ETV6: variants seen among roughly 807,000 people sequenced by gnomAD.
ETV6 encodes the protein transcription factor ETV6.
A neutral mutation model predicts 51.1 loss-of-function variants in ETV6; 16 were observed. The ratio of observed to expected loss-of-function variants is 0.31; its 90% CI spans 0.21 to 0.48. The LOEUF (loss-of-function observed/expected upper bound fraction) is 0.48, where lower values mean the gene tolerates loss of function less well. Ranked by LOEUF, ETV6 falls within the 20% of genes least tolerant of loss-of-function variation. The probability of loss-of-function intolerance (pLI) is 0.99; values close to 1 mark genes in which losing one functional copy is unlikely to be tolerated. For missense variants in ETV6, 458 were observed against 594.8 expected, an observed-to-expected ratio of 0.77 and a Z score of 2.39; for synonymous variants, 240 against 224.1, an observed-to-expected ratio of 1.07 and a Z score of -0.64.
At chr12:11,707,908 C>G (rs1050927053) in intron 1 of ETV6, among the ~76,000 whole-genome samples, 2 of 152,228 alleles carry the variant, frequency 1.3e-5, no homozygotes, top group African/African-American at 2.4e-5. Flanking sequence ...TTAATCTCAA[C>G]TTTGTCTCCT....
chr12:11,853,725 C>T (rs542289316), intron 4 of ETV6, among the ~76,000 whole-genome samples, 164 bp downstream of exon 4: 1 of 152,352 alleles, frequency 6.6e-6, no homozygotes, highest in South Asian at 2.1e-4. Context: ...TTCCCTGAAG[C>T]TCACGATCAA....
rs1946852736 is a variant in ETV6 at position 11,869,824 on chromosome 12, ACAGTC to A, written c.868_872del (p.Ser290AlafsTer8). On this transcript the variant is annotated frameshift_variant, in exon 5 of 8. Transcript: ENST00000396373. LOFTEE classifies it high-confidence loss of function. This position sits in a 1 kb window ranked among gnomAD's most constrained non-coding sequence, Gnocchi z 5.0. ...ACCCCCGGCACTCCGTGGATTTCAA[ACAGTC>A]CAGGCTCTCCGAGGACGGGCTGCAT... 1 of 1,613,296 alleles carries A rather than the reference ACAGTC, an allele frequency of 6.2e-7. No homozygotes were observed. Among genetic ancestry groups the A allele is most frequent in the Admixed American group, 1.7e-5 (1 of 60,006 alleles).
chr12:11,749,349 A>ACACACACACACC (rs1555123226), intron 1 of ETV6, among the ~76,000 whole-genome samples: 1 of 123,670 alleles, frequency 8.1e-6, no homozygotes, highest in Non-Finnish European at 1.7e-5. Context: ...ACACACACAC[A>ACACACACACACC]CCCCTACTCC....
intron 1 of ETV6, among the ~76,000 whole-genome samples, chr12:11,685,235 C>T (rs985816690): frequency 2.6e-5 from 4 of 151,304 alleles, no homozygotes; most frequent in African/African-American, 9.7e-5. Context: ...GTAAATAGGA[C>T]CATCCGGAGT....
intron 1 of ETV6, among the ~76,000 whole-genome samples, chr12:11,700,499 A>G (rs1000569489): frequency 4.6e-5 from 7 of 152,188 alleles, no homozygotes; most frequent in Non-Finnish European, 1.0e-4. Flanking sequence ...TGAGTTATGT[A>G]TATAACTTCT....
chr12:11,829,793 T>G (rs1946215333), intron 2 of ETV6, among the ~76,000 whole-genome samples: 1 of 152,188 alleles, frequency 6.6e-6, no homozygotes, highest in Admixed American at 6.5e-5. Context: ...GAGTATAACC[T>G]TCCGACCTCC....
At chr12:11,783,663 G>A (rs1480096610) in intron 2 of ETV6, among the ~76,000 whole-genome samples, 1 of 152,098 alleles carries the variant, frequency 6.6e-6, no homozygotes, top group Non-Finnish European at 1.5e-5. Context: ...GTAGAAGTGA[G>A]AAAAAATAAG....
chr12:11,828,068 T>C (rs1255667250), intron 2 of ETV6, among the ~76,000 whole-genome samples: 1 of 152,222 alleles, frequency 6.6e-6, no homozygotes, highest in Non-Finnish European at 1.5e-5. Flanking sequence ...TTTCCTACTT[T>C]TTTTTTCTTC....
At chr12:11,849,397 G>A (rs562694072) in intron 3 of ETV6, among the ~76,000 whole-genome samples, 21 of 152,154 alleles carry the variant, frequency 1.4e-4, no homozygotes, top group African/African-American at 4.3e-4. Context: ...TAGGTGTGAC[G>A]CACAGCACCT....
intron 2 of ETV6, among the ~76,000 whole-genome samples, chr12:11,777,754 C>T (rs1348060503): frequency 6.6e-6 from 1 of 152,080 alleles, no homozygotes; most frequent in Non-Finnish European, 1.5e-5. Context: ...CCTGACCCAC[C>T]TCCACCCCCC....
chr12:11,747,835 T>C (rs781525374), intron 1 of ETV6, among the ~76,000 whole-genome samples: 7 of 152,214 alleles, frequency 4.6e-5, no homozygotes, highest in Non-Finnish European at 8.8e-5. Flanking sequence ...AAAAGCTTAC[T>C]TAATGAAAGC....
chr12:11,754,706 C>G (rs1471458775), intron 2 of ETV6, among the ~76,000 whole-genome samples: 1 of 152,186 alleles, frequency 6.6e-6, no homozygotes, highest in East Asian at 1.9e-4. Flanking sequence ...CATACTAACA[C>G]TTGAATTTTT....
At chr12:11,756,338 A>G (rs958964370) in intron 2 of ETV6, among the ~76,000 whole-genome samples, 7 of 152,122 alleles carry the variant, frequency 4.6e-5, no homozygotes, top group African/African-American at 1.7e-4. Flanking sequence ...TTACCGGGAG[A>G]GCAAACACAA....
chr12:11,696,513 T>C (rs1864881521), intron 1 of ETV6, among the ~76,000 whole-genome samples: 2 of 152,178 alleles, frequency 1.3e-5, no homozygotes, highest in Admixed American at 1.3e-4. Context: ...TGGCCCATAG[T>C]AAATGCTCAA....
intron 1 of ETV6, among the ~76,000 whole-genome samples, chr12:11,695,633 A>T (rs888737923): frequency 3.9e-5 from 6 of 152,226 alleles, no homozygotes; most frequent in African/African-American, 1.2e-4. Context: ...GTTCTGCAAC[A>T]TGCAGAGTCA....
intron 1 of ETV6, among the ~76,000 whole-genome samples, chr12:11,730,340 G>A (rs1865570444): frequency 6.6e-6 from 1 of 152,170 alleles, no homozygotes; most frequent in South Asian, 2.1e-4. Flanking sequence ...AAAGAAAGGT[G>A]GCAGAAAAGC....
intron 1 of ETV6, among the ~76,000 whole-genome samples, chr12:11,738,384 A>G (rs754488574): frequency 6.8e-6 from 1 of 147,132 alleles, no homozygotes; most frequent in South Asian, 2.1e-4. Context: ...TGGCGCAGTC[A>G]TGGCTCACCA....
chr12:11,669,801 G>A lies in ETV6; in HGVS notation c.33+19641G>A, dbSNP rs561397250. ...GCCTCATTTTATCATATATTCATTCGTATTCCCAAAATAGAAACCGTCGCC... is the reference window on the plus strand; with the variant it reads ...GCCTCATTTTATCATATATTCATTCATATTCCCAAAATAGAAACCGTCGCC... On this transcript the variant is annotated intron_variant, in intron 1 of 7. Coordinates refer to ENST00000396373, the MANE Select transcript of ETV6 (RefSeq NM_001987.5). Among the ~76,000 whole-genome samples the A allele has an allele frequency of 2.8e-4, 43 of 152,024 alleles. 1 individual carries two copies. Among genetic ancestry groups the A allele is most frequent in the African/African-American group, 9.9e-4 (41 of 41,422 alleles).
chr12:11,750,128 C>T (rs1865994049), intron 1 of ETV6, among the ~76,000 whole-genome samples: 1 of 152,126 alleles, frequency 6.6e-6, no homozygotes, highest in Admixed American at 6.5e-5. Context: ...GCGTCAGATC[C>T]CAGAGCAGGT....
Sources: gnomAD v4.1 joint callset for allele counts (sites outside exome capture counted in the v4.1 genomes callset) on GRCh38, gnomAD v4.1.1 for gene constraint, Gnocchi (gnomAD v3.1) non-coding constraint, MANE v1.5 for transcripts, NCBI Gene and HGNC (gene_info 2026-07-23, HGNC 2026-07-21) for gene names.